The following SMYD3 variants were observed in gnomAD, a reference collection of about 807,000 sequenced individuals.
The protein encoded by SMYD3 is SET and MYND domain containing 3.
A neutral mutation model predicts 57.7 loss-of-function variants in SMYD3; 36 were observed. That is an observed-to-expected ratio of 0.62 (90% CI 0.48 to 0.82). SMYD3 has a LOEUF of 0.82. Among genes scored for constraint, SMYD3 ranks in the 40% least tolerant of loss-of-function variants. The pLI is 0.00. For synonymous variants in SMYD3, 211 were observed against 195.0 expected (o/e 1.08, Z -0.68); for missense variants, 515 against 538.8 (o/e 0.96, Z 0.44).
At chr1:246,409,510 G>A (rs1044869934) in intron 1 of SMYD3, among the ~76,000 whole-genome samples, 20 of 152,178 alleles carry the variant, frequency 1.3e-4, no homozygotes, top group Admixed American at 3.9e-4. Flanking sequence ...ATTTCTGAGG[G>A]CTCTGTTCTG....
chr1:246,486,692 C>G (rs1049406972), intron 1 of SMYD3, among the ~76,000 whole-genome samples: 7 of 152,164 alleles, frequency 4.6e-5, no homozygotes, highest in Non-Finnish European at 7.4e-5. Flanking sequence ...AAACCTAAGA[C>G]TTACTTCTCC....
At chr1:245,890,727 C>T (rs569979718) in intron 8 of SMYD3, among the ~76,000 whole-genome samples, 9 of 152,278 alleles carry the variant, frequency 5.9e-5, no homozygotes, top group South Asian at 2.1e-4. Context: ...TAGGTATATA[C>T]GCAAATGAAA....
At chr1:246,267,697 C>T (rs1223046804) in intron 5 of SMYD3, among the ~76,000 whole-genome samples, 3 of 152,208 alleles carry the variant, frequency 2.0e-5, no homozygotes, top group Admixed American at 1.3e-4. Context: ...TTCTGAGTCT[C>T]TCTTGCAGCC....
At chr1:246,380,455 T>C (rs2066368837) in intron 1 of SMYD3, among the ~76,000 whole-genome samples, 1 of 152,244 alleles carries the variant, frequency 6.6e-6, no homozygotes. Flanking sequence ...ACTTTTGAAA[T>C]GTCATTACTT....
intron 5 of SMYD3, among the ~76,000 whole-genome samples, chr1:246,299,722 A>C (rs1352091459): frequency 6.6e-6 from 1 of 152,112 alleles, no homozygotes; most frequent in Non-Finnish European, 1.5e-5. Context: ...ATCCTTAGTA[A>C]ACTAACATAG....
intron 5 of SMYD3, among the ~76,000 whole-genome samples, chr1:246,255,819 A>G (rs1405225070): frequency 2.0e-5 from 3 of 150,326 alleles, no homozygotes; most frequent in African/African-American, 4.9e-5. Flanking sequence ...TACTGATTCA[A>G]TGTCAGAACT....
chr1:245,882,239 T>G (rs1301197845), intron 8 of SMYD3, among the ~76,000 whole-genome samples: 1 of 152,186 alleles, frequency 6.6e-6, no homozygotes, highest in African/African-American at 2.4e-5. Context: ...CTGTCAATCG[T>G]GAGGTCTTGA....
Position 246,380,487 on chromosome 1 carries a change from T to C in SMYD3, c.165-25393A>G, listed in dbSNP as rs569780304. Among the ~76,000 whole-genome samples the C allele has an allele frequency of 1.3e-4, 20 of 152,366 alleles. No individual in the cohort carries two copies. The East Asian group carries it at 3.5e-3, about 26-fold the overall frequency. On this transcript the variant is annotated intron_variant, in intron 1 of 11. Coordinates refer to ENST00000490107, the MANE Select transcript of SMYD3 (RefSeq NM_001167740.2). Reference sequence around the variant, plus strand: ...ACTTGAATGCTTTTTAAAAACTATGTGATATTTTAAATGGAAAATGTTAAT... The same window carrying C: ...ACTTGAATGCTTTTTAAAAACTATGCGATATTTTAAATGGAAAATGTTAAT...
chr1:245,818,857 A>G (rs1422461476), intron 10 of SMYD3, among the ~76,000 whole-genome samples: 1 of 149,614 alleles, frequency 6.7e-6, no homozygotes, highest in African/African-American at 2.5e-5. Flanking sequence ...TCCTAAATAT[A>G]TATGCATCCA....
intron 5 of SMYD3, among the ~76,000 whole-genome samples, chr1:246,245,919 G>A (rs548039929): frequency 6.6e-6 from 1 of 152,226 alleles, no homozygotes; most frequent in Middle Eastern, 3.4e-3. Context: ...TAACACACCA[G>A]GCCAATGTCT....
intron 5 of SMYD3, among the ~76,000 whole-genome samples, chr1:246,063,582 C>G (rs1311032755): frequency 6.7e-6 from 1 of 149,548 alleles, no homozygotes; most frequent in African/African-American, 2.5e-5. Flanking sequence ...TCCCTCACTC[C>G]CATTCCCTCC....
Position 246,454,394 on chromosome 1 carries a change from G to A in SMYD3, c.164+52660C>T, listed in dbSNP as rs143509297. On this transcript the variant is annotated intron_variant, in intron 1 of 11. Coordinates refer to ENST00000490107, the MANE Select transcript of SMYD3 (RefSeq NM_001167740.2). ...ATATGCTTGGAGAAACAAACATGAA[G>A]AGAATACAAAGCAATACATGAAAAG... Among the ~76,000 whole-genome samples, 42 of 152,158 alleles carry A rather than the reference G, an allele frequency of 2.8e-4. No homozygotes were observed. The East Asian group carries it at 4.8e-3, about 18-fold the overall frequency.
In SMYD3 at chr1:246,252,862, A is replaced by G. The variant is rs544383476; in HGVS notation, c.531+74339T>C. Among the ~76,000 whole-genome samples, 43 of 152,336 alleles carry G rather than the reference A, an allele frequency of 2.8e-4. No individual in the cohort carries two copies. In the South Asian group the frequency reaches 8.1e-3, roughly 29 times the overall value. On this transcript the variant is annotated intron_variant, in intron 5 of 11. Transcript: ENST00000490107. ...CTGTTACTATGGTAAATAAATACAC[A>G]CAGTTCTATCACAGAGCACAGAAGT...
rs755914433 is a variant in SMYD3, at chr1:245,927,962, C to T, written c.671G>A (p.Arg224Gln). ...IVFNGPHLLL[R>Q]AVRDIEVGEE... Reference sequence around the variant, plus strand: ...TCCCACCTCGATGTCTCGGACTGCTCGCAGTAAGAGGTGGGGCCCATTGAA... The same window carrying T: ...TCCCACCTCGATGTCTCGGACTGCTTGCAGTAAGAGGTGGGGCCCATTGAA... Residue 224 changes from arginine (R) to glutamine (Q), a missense_variant, in exon 7 of 12, where the codon CGA becomes CAA. Transcript: ENST00000490107. 3.1e-6 allele frequency: 5 copies of T among 1,612,444 alleles called. No homozygotes were observed. The highest frequency in any genetic ancestry group is 1.1e-5 in the South Asian group (1 of 91,038).
At chr1:245,933,789 A>G (rs1310001255) in intron 5 of SMYD3, among the ~76,000 whole-genome samples, 1 of 152,228 alleles carries the variant, frequency 6.6e-6, no homozygotes, top group Non-Finnish European at 1.5e-5. Context: ...TTTGTATTGT[A>G]GCAGCAGTTA....
intron 5 of SMYD3, among the ~76,000 whole-genome samples, chr1:245,979,546 A>G (rs2058544428): frequency 6.6e-6 from 1 of 152,176 alleles, no homozygotes; most frequent in African/African-American, 2.4e-5. Flanking sequence ...TGATGCAGGT[A>G]CAAGCAGGGA....
rs375301815 is a variant in SMYD3 at position 245,818,201 on chromosome 1, A to G, written c.1076+40295T>C. Among the ~76,000 whole-genome samples, 67 of 152,314 alleles carry G rather than the reference A, an allele frequency of 4.4e-4. 2 individuals are homozygous for G. In the South Asian group the frequency reaches 0.012, roughly 28 times the overall value. On this transcript the variant is annotated intron_variant, in intron 10 of 11. Transcript: ENST00000490107. ...CCATCAGACTAACAGCGGATCTCTC[A>G]GCAGAAACCCTACAAGCCAGAAGAG...
intron 8 of SMYD3, among the ~76,000 whole-genome samples, chr1:245,874,535 G>T (rs949544270): frequency 2.0e-5 from 3 of 152,136 alleles, no homozygotes; most frequent in Admixed American, 6.5e-5. Flanking sequence ...TTAATGGAGG[G>T]TTCCATAGCG....
chr1:246,339,860 C>T lies in SMYD3; in HGVS notation c.229-4386G>A, dbSNP rs2065604707. Among the ~76,000 whole-genome samples the T allele has an allele frequency of 2.6e-5, 4 of 152,242 alleles. No individual in the cohort carries two copies. The South Asian group carries it at 6.2e-4, about 24-fold the overall frequency. ...AGGAGCACGCTCCCGTCATGTGACG[C>T]CTTCTGCCATGCTAGGATGCAGCAA... is the stretch of plus-strand genomic sequence containing the variant. On this transcript the variant is annotated intron_variant, in intron 2 of 11. Transcript: ENST00000490107.
Sources: gnomAD v4.1 joint callset for allele counts (sites outside exome capture counted in the v4.1 genomes callset) on GRCh38, gnomAD v4.1.1 for gene constraint, MANE v1.5 for transcripts, NCBI Gene and HGNC (gene_info 2026-07-23, HGNC 2026-07-21) for gene names.